The following MAMDC2 variants were observed in gnomAD, a reference collection of about 807,000 sequenced individuals.
MAMDC2 encodes MAM domain-containing protein 2.
MAMDC2 carries 57 observed loss-of-function variants against 89.8 expected under a neutral mutation model. The ratio of observed to expected loss-of-function variants is 0.63; its 90% confidence interval spans 0.51 to 0.79. The LOEUF (loss-of-function observed/expected upper bound fraction) is 0.79. Among genes scored for constraint, MAMDC2 ranks in the 30% least tolerant of loss-of-function variants. MAMDC2 has a pLI of 0.00. For synonymous variants in MAMDC2, 313 were observed against 293.4 expected (o/e 1.07, Z -0.68); for missense variants, 800 against 820.6 (o/e 0.97, Z 0.31).
chr9:70,125,925 G>A (rs560033823), intron 5 of MAMDC2, among the ~76,000 whole-genome samples: 2 of 152,260 alleles, frequency 1.3e-5, no homozygotes, highest in African/African-American at 2.4e-5. Context: ...AAAGTAAAAG[G>A]AATGGTCTCA....
chr9:70,101,321 GT>G (rs1277795613), intron 2 of MAMDC2, among the ~76,000 whole-genome samples: 2 of 151,892 alleles, frequency 1.3e-5, no homozygotes, highest in Non-Finnish European at 2.9e-5. Context: ...AAGTAAAAAG[GT>G]TATAGTAAAC....
At chr9:70,198,272 G>C (rs2033018535) in intron 11 of MAMDC2, among the ~76,000 whole-genome samples, 1 of 151,572 alleles carries the variant, frequency 6.6e-6, no homozygotes, top group Admixed American at 6.6e-5. Flanking sequence ...CATATATACA[G>C]TTTGGTACTA....
intron 11 of MAMDC2, among the ~76,000 whole-genome samples, chr9:70,212,124 A>G (rs1456223066): frequency 3.9e-5 from 6 of 152,348 alleles, no homozygotes; most frequent in East Asian, 1.9e-4. Context: ...CTCAAACTCC[A>G]TGCTGGGAGA....
intron 11 of MAMDC2, among the ~76,000 whole-genome samples, chr9:70,173,072 G>T (rs896663826): frequency 2.0e-5 from 3 of 152,074 alleles, no homozygotes; most frequent in African/African-American, 7.2e-5. Context: ...GTCCTCAGGA[G>T]CCAGTTTCTC....
At chr9:70,175,797 T>C (rs1466630615) in intron 11 of MAMDC2, 1 of 152,140 alleles carries the variant, frequency 6.6e-6, no homozygotes, top group Non-Finnish European at 1.5e-5. Flanking sequence ...GTCGGTAGGG[T>C]TGGTTCCTTC....
intron 5 of MAMDC2, chr9:70,113,836 G>C (rs1162996414): frequency 1.3e-5 from 2 of 152,230 alleles, no homozygotes; most frequent in Non-Finnish European, 2.9e-5. Flanking sequence ...GGTCTCCACG[G>C]AGTGAGAAGC....
intron 9 of MAMDC2, among the ~76,000 whole-genome samples, chr9:70,145,947 G>T (rs753331804): frequency 3.3e-5 from 5 of 152,154 alleles, no homozygotes; most frequent in Non-Finnish European, 5.9e-5. Flanking sequence ...AAAGACAGAG[G>T]AGTAGTTTTA....
chr9:70,164,151 G>T (rs1011157724), intron 9 of MAMDC2, among the ~76,000 whole-genome samples: 1 of 152,072 alleles, frequency 6.6e-6, no homozygotes, highest in Non-Finnish European at 1.5e-5. Context: ...CGACTTGGCA[G>T]TGATGCTGGC....
At chr9:70,078,223 A>G (rs1827578958) in intron 2 of MAMDC2, among the ~76,000 whole-genome samples, 1 of 152,174 alleles carries the variant, frequency 6.6e-6, no homozygotes, top group African/African-American at 2.4e-5. Context: ...TAATCTGTGT[A>G]TCTTACTAAC....
intron 11 of MAMDC2, among the ~76,000 whole-genome samples, chr9:70,199,479 TCTG>T (rs2033051603): frequency 6.6e-6 from 1 of 150,508 alleles, no homozygotes; most frequent in African/African-American, 2.4e-5. Context: ...GTTCCAAGCC[TCTG>T]CTATTGTGAA....
chr9:70,222,602 G>A (rs1388904950), intron 12 of MAMDC2, among the ~76,000 whole-genome samples: 1 of 152,164 alleles, frequency 6.6e-6, no homozygotes, highest in Non-Finnish European at 1.5e-5. Flanking sequence ...GGATTTATTA[G>A]TGCTAAGCAG....
intron 11 of MAMDC2, among the ~76,000 whole-genome samples, chr9:70,200,045 CTTTAG>C (rs1178724997): frequency 2.7e-5 from 4 of 150,858 alleles, no homozygotes; most frequent in African/African-American, 4.8e-5. Context: ...TGCAGAAGCT[CTTTAG>C]TTTAATTAGA....
intron 11 of MAMDC2, among the ~76,000 whole-genome samples, chr9:70,196,945 C>A (rs141654123): frequency 1.3e-5 from 2 of 152,098 alleles, no homozygotes; most frequent in East Asian, 3.9e-4. Context: ...AATGTATTAT[C>A]CCAGAAATAA....
intron 11 of MAMDC2, among the ~76,000 whole-genome samples, chr9:70,202,149 G>A (rs1053753665): frequency 6.6e-6 from 1 of 151,818 alleles, no homozygotes; most frequent in Non-Finnish European, 1.5e-5. Context: ...TGATGTTAGA[G>A]TGTCAATTTT....
At chr9:70,055,777 T>C (rs1587429185) in intron 2 of MAMDC2, among the ~76,000 whole-genome samples, 1 of 152,224 alleles carries the variant, frequency 6.6e-6, no homozygotes, top group South Asian at 2.1e-4. Flanking sequence ...AGCATAATCT[T>C]GGAAGAGAAC....
At chr9:70,077,060 T>C (rs1827547916) in intron 2 of MAMDC2, among the ~76,000 whole-genome samples, 1 of 152,200 alleles carries the variant, frequency 6.6e-6, no homozygotes, top group South Asian at 2.1e-4. Flanking sequence ...GTTTAAATAA[T>C]AGACGATCTG....
At chr9:70,224,436 G>A (rs973134944) in intron 12 of MAMDC2, among the ~76,000 whole-genome samples, 4 of 152,148 alleles carry the variant, frequency 2.6e-5, no homozygotes, top group Admixed American at 6.5e-5. Flanking sequence ...TAGAGAAGCC[G>A]ATGGTATAAC....
At chr9:70,149,060 T>TA (rs1446652519) in intron 9 of MAMDC2, among the ~76,000 whole-genome samples, 15 of 143,400 alleles carry the variant, frequency 1.0e-4, no homozygotes, top group African/African-American at 2.8e-4. Context: ...TTTTTTTTTT[T>TA]ATTAGCCAGG....
At chr9:70,125,645 G>C (rs192632294) in intron 5 of MAMDC2, among the ~76,000 whole-genome samples, 135 of 152,282 alleles carry the variant, frequency 8.9e-4, no homozygotes, top group African/African-American at 2.9e-3. Flanking sequence ...CAAAATCTTA[G>C]TTTCACTCAA....
Sources: gnomAD v4.1 joint callset for allele counts (sites outside exome capture counted in the v4.1 genomes callset) on GRCh38, gnomAD v4.1.1 for gene constraint, MANE v1.5 for transcripts, NCBI Gene and HGNC (gene_info 2026-07-23, HGNC 2026-07-21) for gene names.